NIBAN1: variants seen among roughly 807,000 people sequenced by gnomAD.
The protein encoded by NIBAN1 is protein Niban 1.
NIBAN1 carries 81 observed loss-of-function variants against 75.1 expected under a neutral mutation model. The ratio of observed to expected loss-of-function variants is 1.08; its 90% CI spans 0.90 to 1.30. NIBAN1 has a LOEUF of 1.30. Ranked by LOEUF, NIBAN1 falls within the 50% of genes most tolerant of loss-of-function variation. The pLI, the probability that NIBAN1 is intolerant of heterozygous loss-of-function variation, is 0.00. For synonymous variants in NIBAN1, 436 were observed against 424.8 expected (o/e 1.03, Z -0.32); for missense variants, 1,133 against 1,128.1 (o/e 1.00, Z -0.06).
intron 1 of NIBAN1, 77 bp downstream of exon 1, chr1:184,974,225 C>T: frequency 7.2e-7 from 1 of 1,393,504 alleles, no homozygotes; most frequent in Non-Finnish European, 9.3e-7. Context: ...GGGCGCGCCC[C>T]TTGGGGCCCC....
intron 9 of NIBAN1, among the ~76,000 whole-genome samples, chr1:184,809,549 G>C (rs1483926523): frequency 6.6e-6 from 1 of 151,364 alleles, no homozygotes; most frequent in South Asian, 2.1e-4. Context: ...TTTCAACCTG[G>C]CTATCTTGTC....
chr1:184,824,070 T>C (rs915668667), intron 6 of NIBAN1, among the ~76,000 whole-genome samples: 1 of 151,862 alleles, frequency 6.6e-6, no homozygotes, highest in Non-Finnish European at 1.5e-5. Context: ...AATGAAAGAG[T>C]TCAATAATGG....
chr1:184,914,926 G>A (rs1394726704), intron 1 of NIBAN1, among the ~76,000 whole-genome samples: 1 of 152,196 alleles, frequency 6.6e-6, no homozygotes, highest in East Asian at 1.9e-4. Flanking sequence ...TTTTCACCAT[G>A]TTAGCCAGGA....
chr1:184,854,127 C>T (rs1349488496), intron 5 of NIBAN1, among the ~76,000 whole-genome samples: 2 of 152,068 alleles, frequency 1.3e-5, no homozygotes, highest in Admixed American at 6.5e-5. Context: ...TTTATACCTA[C>T]AGCACATTTG....
chr1:184,851,634 A>G (rs1456988464), intron 5 of NIBAN1, among the ~76,000 whole-genome samples: 1 of 8,296 alleles, frequency 1.2e-4, no homozygotes, highest in African/African-American at 4.6e-4. Context: ...ATAATAAAAA[A>G]AAAAAAAATT....
Position 184,827,560 on chromosome 1 carries a change from G to GTTTTTT in NIBAN1, c.718-3824_718-3819dup, listed in dbSNP as rs58483276. Among the ~76,000 whole-genome samples, 4 of 117,676 alleles carry GTTTTTT rather than the reference G, an allele frequency of 3.4e-5. 2 individuals carry two copies. Among genetic ancestry groups the GTTTTTT allele is most frequent in the Non-Finnish European group, 6.6e-5 (4 of 60,920 alleles). The allele number at this position is 117,676 out of a possible 152,430, so 77.2% of individuals were successfully genotyped here. The stretch of plus-strand genomic sequence containing the variant: ...ACATAAGTGACCTAAAAATACTTCA[G>GTTTTTT]TTTTTTTTTTTTTTAATGGGGGGTG... On this transcript the variant is annotated intron_variant, in intron 6 of 13. Coordinates refer to ENST00000367511, the MANE Select transcript of NIBAN1 (RefSeq NM_052966.4).
chr1:184,885,168 C>T (rs1211912051), intron 4 of NIBAN1, among the ~76,000 whole-genome samples: 2 of 152,174 alleles, frequency 1.3e-5, no homozygotes, highest in African/African-American at 4.8e-5. Flanking sequence ...CCTGCCTCAG[C>T]CTCCTGAGTA....
At chr1:184,833,920 A>C (rs1406556431) in intron 5 of NIBAN1, among the ~76,000 whole-genome samples, 1 of 152,002 alleles carries the variant, frequency 6.6e-6, no homozygotes, top group Non-Finnish European at 1.5e-5. Context: ...CAGGTTTGTT[A>C]CATAGGTATA....
chr1:184,810,057 G>A (rs1333444888), intron 9 of NIBAN1, among the ~76,000 whole-genome samples: 2 of 152,016 alleles, frequency 1.3e-5, no homozygotes, highest in Non-Finnish European at 2.9e-5. Flanking sequence ...GGGGAAGAGT[G>A]AAGACAAGTA....
chr1:184,876,290 G>A (rs914670265), intron 5 of NIBAN1, among the ~76,000 whole-genome samples: 18 of 151,954 alleles, frequency 1.2e-4, no homozygotes, highest in African/African-American at 4.1e-4. Flanking sequence ...AATAAAGAGG[G>A]CATCATGAAT....
intron 9 of NIBAN1, among the ~76,000 whole-genome samples, chr1:184,813,324 A>G (rs2102206331): frequency 6.6e-6 from 1 of 152,352 alleles, no homozygotes; most frequent in East Asian, 1.9e-4. Context: ...AAAAACTATA[A>G]TACCTTTTAG....
intron 5 of NIBAN1, among the ~76,000 whole-genome samples, chr1:184,854,465 T>C (rs1402907857): frequency 6.6e-6 from 1 of 152,226 alleles, no homozygotes; most frequent in Non-Finnish European, 1.5e-5. Flanking sequence ...AATAAACTTG[T>C]AACAAGTCCC....
rs772708628 is a variant in NIBAN1, at chr1:184,818,681, C to G, written c.1130G>C (p.Ser377Thr). Reference sequence around the variant, plus strand: ...GTCTTTGGTGGTCTGGAAGTTCTGGCTGACTTCATTCACCTCTTTCTCAAA... The same window carrying G: ...GTCTTTGGTGGTCTGGAAGTTCTGGGTGACTTCATTCACCTCTTTCTCAAA... ...VLFEKEVNEV[S>T]QNFQTTKDSV... Residue 377 changes from serine (S) to threonine (T), a missense_variant, in exon 9 of 14, where the codon AGC becomes ACC. Physicochemically the swap from Ser to Thr is moderately conservative, Grantham distance 58. Coordinates refer to ENST00000367511, the MANE Select transcript of NIBAN1 (RefSeq NM_052966.4). The G allele has an allele frequency of 5.0e-6, 8 of 1,611,612 alleles. No homozygotes were observed. The highest frequency in any genetic ancestry group is 6.8e-6 in the Non-Finnish European group (8 of 1,178,228).
At chr1:184,890,879 G>C (rs896895137) in intron 3 of NIBAN1, among the ~76,000 whole-genome samples, 2 of 152,204 alleles carry the variant, frequency 1.3e-5, no homozygotes, top group African/African-American at 2.4e-5. Context: ...TGCCAAAGCA[G>C]TTTGGTAAGC....
intron 5 of NIBAN1, among the ~76,000 whole-genome samples, chr1:184,846,904 C>A (rs1197248129): frequency 1.7e-5 from 1 of 59,470 alleles, no homozygotes; most frequent in East Asian, 3.7e-4. Context: ...TGAAATGAGG[C>A]GAGAAGGGAA....
chr1:184,841,478 C>G (rs1277487210), intron 5 of NIBAN1, among the ~76,000 whole-genome samples: 2 of 152,134 alleles, frequency 1.3e-5, no homozygotes. Context: ...GAATATTTTA[C>G]AAACATTTTT....
chr1:184,957,864 T>C (rs111416722), intron 1 of NIBAN1, among the ~76,000 whole-genome samples: 1 of 152,206 alleles, frequency 6.6e-6, no homozygotes, highest in African/African-American at 2.4e-5. Flanking sequence ...TTGTATGCCT[T>C]ACTTCCCAAA....
chr1:184,823,442 C>T (rs1394733003), intron 7 of NIBAN1, 113 bp from the exon 8 acceptor site: 5 of 1,384,932 alleles, frequency 3.6e-6, no homozygotes, highest in African/African-American at 1.4e-5. Context: ...GAACTGCACA[C>T]ACATTGTAAT....
At chr1:184,863,450 TTTTG>T (rs1655869713) in intron 5 of NIBAN1, among the ~76,000 whole-genome samples, 2 of 152,208 alleles carry the variant, frequency 1.3e-5, no homozygotes, top group East Asian at 1.9e-4. Flanking sequence ...AATTAGTTTT[TTTTG>T]TTTGTTTGTT....
Sources: allele counts gnomAD v4.1 joint callset (sites outside exome capture counted in the v4.1 genomes callset), GRCh38; gene constraint gnomAD v4.1.1; transcripts MANE v1.5; gene names NCBI Gene and HGNC (gene_info 2026-07-23, HGNC 2026-07-21).